The following TCF12 variants were observed in gnomAD, a reference collection of about 807,000 sequenced individuals.
TCF12 encodes the protein transcription factor 12.
In TCF12, 45 loss-of-function variants were observed where a neutral mutation model predicts 86.0. The ratio of observed to expected loss-of-function variants is 0.52; its 90% CI spans 0.41 to 0.67. The LOEUF (loss-of-function observed/expected upper bound fraction) is 0.67. TCF12 is among the 30% of genes least tolerant of loss of function. The probability of loss-of-function intolerance (pLI) is 0.00; values close to 1 mark genes in which losing one functional copy is unlikely to be tolerated. For missense variants in TCF12, 881 were observed against 859.9 expected (o/e 1.02, Z -0.31); for synonymous variants, 330 against 299.6 (o/e 1.10, Z -1.05).
chr15:57,286,767 G>A lies in TCF12; in HGVS notation c.*622G>A, dbSNP rs1457829181. 4 of 404,398 alleles carry A rather than the reference G, an allele frequency of 9.9e-6. No individual in the cohort carries two copies. Among genetic ancestry groups the A allele is most frequent in the African/African-American group, 8.4e-5 (4 of 47,516 alleles). The allele number at this position is 404,398 out of a possible 1,614,324, so 25.1% of individuals were successfully genotyped here. On this transcript the variant is annotated 3_prime_UTR_variant, in exon 21 of 21. Transcript: ENST00000333725. The stretch of plus-strand genomic sequence containing the variant: ...TCCATGAAATAGGAAAATATTACTT[G>A]GTATAGCATTTCTCTTGCTCTCATT...
At chr15:57,081,233 C>T (rs1308715986) in intron 4 of TCF12, among the ~76,000 whole-genome samples, 4 of 152,168 alleles carry the variant, frequency 2.6e-5, no homozygotes, top group African/African-American at 9.7e-5. Context: ...TTTTGTATGG[C>T]TTCAGCCTGT....
intron 5 of TCF12, among the ~76,000 whole-genome samples, chr15:57,140,228 A>G (rs2052858913): frequency 6.6e-6 from 1 of 152,248 alleles, no homozygotes; most frequent in Non-Finnish European, 1.5e-5. Context: ...AGCCTTAAAA[A>G]GAAAGGAAAT....
intron 5 of TCF12, among the ~76,000 whole-genome samples, chr15:57,155,147 T>G (rs1270979340): frequency 1.3e-5 from 2 of 152,170 alleles, no homozygotes; most frequent in African/African-American, 2.4e-5. Context: ...ACCCCATGCC[T>G]TCTCTCTAAT....
chr15:57,089,403 T>C (rs767381998), intron 4 of TCF12, among the ~76,000 whole-genome samples: 9 of 152,182 alleles, frequency 5.9e-5, no homozygotes, highest in African/African-American at 2.2e-4. Context: ...TCCTATTTTC[T>C]GGTGCACTGT....
At chr15:57,073,813 A>G (rs1412064366) in intron 4 of TCF12, among the ~76,000 whole-genome samples, 4 of 152,102 alleles carry the variant, frequency 2.6e-5, no homozygotes, top group African/African-American at 7.2e-5. Context: ...CGGTGGCGCA[A>G]TCTTGGCTCA....
At chr15:56,999,067 G>A (rs967335034) in intron 3 of TCF12, among the ~76,000 whole-genome samples, 2 of 151,908 alleles carry the variant, frequency 1.3e-5, no homozygotes, top group African/African-American at 2.4e-5. Flanking sequence ...GCGTGGTGGC[G>A]GGCGCCTGTA....
chr15:57,053,087 C>CTAGTT (rs1309240251), intron 3 of TCF12, among the ~76,000 whole-genome samples: 2 of 152,096 alleles, frequency 1.3e-5, no homozygotes, highest in Admixed American at 6.5e-5. Flanking sequence ...CAACAATGTA[C>CTAGTT]GGGGGCTCTA....
At chr15:57,075,976 C>A (rs189226677) in intron 4 of TCF12, among the ~76,000 whole-genome samples, 6 of 151,050 alleles carry the variant, frequency 4.0e-5, no homozygotes, top group Admixed American at 4.0e-4. Context: ...TGATCCTCTG[C>A]CCCTGTCTCC....
At position 57,252,403 on chromosome 15, in the gene TCF12, C is replaced by A. The variant is rs770032403; in HGVS notation, c.1189-18C>A. The stretch of plus-strand genomic sequence containing the variant: ...CTTAACCTGTGCTTTGCCTCCTGTT[C>A]TGTCTTGACTTTGCCAGAAAAATCG... On this transcript the variant is annotated intron_variant, in intron 14 of 20. Transcript: ENST00000333725. The A allele has an allele frequency of 6.2e-7, 1 of 1,610,688 alleles. No individual in the cohort carries two copies. Among genetic ancestry groups the A allele is most frequent in the East Asian group, 2.2e-5 (1 of 44,788 alleles).
At chr15:57,037,066 A>G (rs911841257) in intron 3 of TCF12, among the ~76,000 whole-genome samples, 8 of 152,194 alleles carry the variant, frequency 5.3e-5, no homozygotes, top group Non-Finnish European at 1.0e-4. Context: ...AAGTGTAATC[A>G]TTTTCTTATG....
intron 3 of TCF12, among the ~76,000 whole-genome samples, chr15:57,036,788 T>G (rs542231427): frequency 6.6e-6 from 1 of 152,232 alleles, no homozygotes; most frequent in African/African-American, 2.4e-5. Context: ...TTTCTTTTCA[T>G]TTTCATGATG....
intron 3 of TCF12, among the ~76,000 whole-genome samples, chr15:56,958,161 A>G (rs374449843): frequency 6.6e-6 from 1 of 152,106 alleles, no homozygotes; most frequent in Non-Finnish European, 1.5e-5. Flanking sequence ...ACCTGCTCTC[A>G]GGTTCTCTGC....
rs1202796941 is a variant in TCF12, at chr15:56,921,052, G to A, written c.102G>A (p.Gly34=). The A allele has an allele frequency of 2.5e-6, 4 of 1,606,136 alleles. No individual in the cohort carries two copies. In the Admixed American group the frequency reaches 6.7e-5, roughly 27 times the overall value. Residue 34 remains glycine, a synonymous_variant, in exon 3 of 21, where the codon GGG becomes GGA. Transcript: ENST00000333725. The stretch of plus-strand genomic sequence containing the variant: ...TGTTTTCCCCACCTGTTAATAGTGG[G>A]AAAACTAGACCAACTACACTGGGAA... ...SAMFSPPVNS[G]KTRPTTLGSS... is the part of the protein sequence containing the mutation.
At chr15:57,228,812 T>G (rs1217712944) in intron 8 of TCF12, among the ~76,000 whole-genome samples, 1 of 152,036 alleles carries the variant, frequency 6.6e-6, no homozygotes, top group Non-Finnish European at 1.5e-5. Flanking sequence ...TATAAATTGA[T>G]AAATTATGTA....
chr15:56,964,073 G>A (rs901646477), intron 3 of TCF12, among the ~76,000 whole-genome samples: 2 of 152,148 alleles, frequency 1.3e-5, no homozygotes, highest in East Asian at 1.9e-4. Flanking sequence ...TAACTTGAGC[G>A]CAAATATGTT....
At chr15:57,019,377 T>C (rs1335104543) in intron 3 of TCF12, among the ~76,000 whole-genome samples, 1 of 152,124 alleles carries the variant, frequency 6.6e-6, no homozygotes, top group Non-Finnish European at 1.5e-5. Flanking sequence ...TAAACCCAAT[T>C]CACTGAGACA....
chr15:57,009,879 G>A (rs1214583147), intron 3 of TCF12, among the ~76,000 whole-genome samples: 1 of 152,104 alleles, frequency 6.6e-6, no homozygotes, highest in African/African-American at 2.4e-5. Flanking sequence ...ATAAAGCTCT[G>A]TGTGACTCTA....
At chr15:57,092,338 A>G (rs1273509799) in intron 5 of TCF12, among the ~76,000 whole-genome samples, 1 of 152,194 alleles carries the variant, frequency 6.6e-6, no homozygotes, top group East Asian at 1.9e-4. Flanking sequence ...AACATAGTAT[A>G]TTTAGATATT....
At chr15:57,257,675 A>T (rs1387122756) in intron 16 of TCF12, among the ~76,000 whole-genome samples, 3 of 26,064 alleles carry the variant, frequency 1.2e-4, no homozygotes, top group Non-Finnish European at 1.4e-4. Context: ...AAAAAAAAAA[A>T]AGTGTATATA....
Sources: allele counts gnomAD v4.1 joint callset (sites outside exome capture counted in the v4.1 genomes callset), GRCh38; gene constraint gnomAD v4.1.1; transcripts MANE v1.5; gene names NCBI Gene and HGNC (gene_info 2026-07-23, HGNC 2026-07-21).